The following SLIT1 variants were observed in gnomAD, a reference collection of about 807,000 sequenced individuals.
SLIT1 encodes slit homolog 1 protein.
A neutral mutation model predicts 186.1 loss-of-function variants in SLIT1; 66 were observed. The observed-to-expected ratio is 0.35, with a 90% confidence interval of 0.29 to 0.44. SLIT1 has a LOEUF of 0.44. Among genes scored for constraint, SLIT1 ranks in the 20% least tolerant of loss-of-function variants. The pLI, the probability that SLIT1 is intolerant of heterozygous loss-of-function variation, is 1.00. For synonymous variants in SLIT1, 761 were observed against 833.8 expected (o/e 0.91, Z 1.50); for missense variants, 1,638 against 2,037.4 (o/e 0.80, Z 3.77).
Position 97,088,990 on chromosome 10 carries a change from G to A in SLIT1, c.414-22904C>T, listed in dbSNP as rs796936015. ...TGGCCAAACAGAAGCCAGAAGCCCC[G>A]GCCACTTGCCCAGCCTGCAGGTGCA... On this transcript the variant is annotated intron_variant, in intron 4 of 36. Coordinates refer to ENST00000266058, the MANE Select transcript of SLIT1 (RefSeq NM_003061.3). Among the ~76,000 whole-genome samples the A allele has an allele frequency of 9.2e-5, 14 of 152,272 alleles. No individual in the cohort carries two copies. In the South Asian group the frequency reaches 2.3e-3, roughly 25 times the overall value.
At chr10:97,003,989 T>C (rs1414757301) in intron 34 of SLIT1, 79 bp downstream of exon 34, 1 of 1,315,008 alleles carries the variant, frequency 7.6e-7, no homozygotes, top group Non-Finnish European at 1.1e-6. Flanking sequence ...TTTCCCACAG[T>C]GCAGTCCCTA....
chr10:97,031,369 C>T (rs1564657309), intron 24 of SLIT1, among the ~76,000 whole-genome samples: 1 of 152,328 alleles, frequency 6.6e-6, no homozygotes, highest in Non-Finnish European at 1.5e-5. Flanking sequence ...TGTCCCGCCC[C>T]TACCACCACA....
At chr10:97,101,171 G>C (rs561034988) in intron 4 of SLIT1, among the ~76,000 whole-genome samples, 2 of 152,258 alleles carry the variant, frequency 1.3e-5, no homozygotes, top group East Asian at 3.9e-4. Context: ...GTGGAAGAGA[G>C]TCATAGGCCC....
chr10:97,039,167 G>C (rs528026395), intron 21 of SLIT1, among the ~76,000 whole-genome samples: 2 of 152,166 alleles, frequency 1.3e-5, no homozygotes, highest in Non-Finnish European at 2.9e-5. Flanking sequence ...TCCTGGGGGT[G>C]GGGGGAGAAA....
At chr10:97,020,927 C>A (rs138170435) in intron 26 of SLIT1, among the ~76,000 whole-genome samples, 1 of 152,366 alleles carries the variant, frequency 6.6e-6, no homozygotes, top group African/African-American at 2.4e-5. Flanking sequence ...CTGCTGAACA[C>A]AATTCCTACC....
chr10:97,090,779 G>A (rs1564673113), intron 4 of SLIT1, among the ~76,000 whole-genome samples: 1 of 152,244 alleles, frequency 6.6e-6, no homozygotes, highest in Non-Finnish European at 1.5e-5. Context: ...TCACAGAAGA[G>A]GTGAAATTGC....
intron 3 of SLIT1, among the ~76,000 whole-genome samples, chr10:97,159,845 C>T (rs1423502228): frequency 6.6e-6 from 1 of 152,162 alleles, no homozygotes; most frequent in Non-Finnish European, 1.5e-5. Context: ...CAACAAACAC[C>T]CCCCACAGAG....
intron 13 of SLIT1, among the ~76,000 whole-genome samples, chr10:97,051,419 A>G (rs1366844621): frequency 6.6e-6 from 1 of 152,208 alleles, no homozygotes; most frequent in Admixed American, 6.5e-5. Context: ...ATAATACACC[A>G]CTGGTGGGAA....
chr10:97,105,428 C>T (rs73322743), intron 4 of SLIT1, among the ~76,000 whole-genome samples: 1 of 152,152 alleles, frequency 6.6e-6, no homozygotes, highest in Non-Finnish European at 1.5e-5. Context: ...CAGCAAGAAC[C>T]AGATGAAAGG....
In SLIT1 at chr10:97,016,258, G is replaced by A. The variant is rs59070724; in HGVS notation, c.2970-2100C>T. Among the ~76,000 whole-genome samples, 1,252 of 151,866 alleles carry A rather than the reference G, an allele frequency of 8.2e-3. 17 individuals carry two copies. Among genetic ancestry groups the A allele is most frequent in the African/African-American group, 0.029 (1,208 of 41,400 alleles). Reference sequence around the variant, plus strand: ...CAGGAGGCAGAGGTTGCAGTGAGTCGAGATCTCGCCACTGCACTCCAGCCT... The same window carrying A: ...CAGGAGGCAGAGGTTGCAGTGAGTCAAGATCTCGCCACTGCACTCCAGCCT... On this transcript the variant is annotated intron_variant, in intron 28 of 36. Transcript: ENST00000266058.
chr10:97,011,150 G>A lies in SLIT1; in HGVS notation c.3204-20C>T, dbSNP rs1168872097. The A allele has an allele frequency of 1.9e-6, 3 of 1,597,940 alleles. No individual in the cohort carries two copies. Among genetic ancestry groups the A allele is most frequent in the Non-Finnish European group, 2.6e-6 (3 of 1,166,002 alleles). On this transcript the variant is annotated intron_variant, in intron 30 of 36. Coordinates refer to ENST00000266058, the MANE Select transcript of SLIT1 (RefSeq NM_003061.3). ...TCACACCTAGTGGGTGGGGGGCAGG[G>A]GTAGTTGGGGGGTCAGCCACACAGA...
At chr10:97,087,708 C>T (rs1382517940) in intron 4 of SLIT1, among the ~76,000 whole-genome samples, 1 of 152,154 alleles carries the variant, frequency 6.6e-6, no homozygotes, top group East Asian at 1.9e-4. Context: ...AGTAACATCC[C>T]TAGATCTGAT....
intron 1 of SLIT1, among the ~76,000 whole-genome samples, chr10:97,168,535 G>A (rs1001157493): frequency 1.3e-5 from 2 of 152,178 alleles, no homozygotes; most frequent in Non-Finnish European, 1.5e-5. Context: ...CTTCCACAAC[G>A]TCATACACTG....
intron 1 of SLIT1, 68 bp from the exon 2 acceptor site, chr10:97,164,958 TC>T: frequency 8.2e-7 from 1 of 1,223,486 alleles, no homozygotes. Context: ...GGGGCCCTGC[TC>T]CAGGTGCCCT....
intron 4 of SLIT1, among the ~76,000 whole-genome samples, chr10:97,080,155 G>T (rs1009781326): frequency 3.3e-5 from 5 of 152,176 alleles, no homozygotes; most frequent in African/African-American, 1.2e-4. Flanking sequence ...AGCCTAGGGG[G>T]ACTTCGGGGA....
chr10:97,185,376 G>T (rs1850397502), intron 1 of SLIT1, 102 bp downstream of exon 1: 2 of 1,176,490 alleles, frequency 1.7e-6, no homozygotes, highest in Non-Finnish European at 2.4e-6. Context: ...GCGGAGCCCG[G>T]ACGGGCCCCA....
At chr10:97,120,228 G>A (rs1849548863) in intron 4 of SLIT1, among the ~76,000 whole-genome samples, 1 of 151,936 alleles carries the variant, frequency 6.6e-6, no homozygotes, top group African/African-American at 2.4e-5. Context: ...TGCCAGGCCC[G>A]CTCCCCACAG....
chr10:97,160,505 C>A (rs974034935), intron 3 of SLIT1, among the ~76,000 whole-genome samples: 1 of 152,150 alleles, frequency 6.6e-6, no homozygotes, highest in South Asian at 2.1e-4. Flanking sequence ...TGGAAAATCT[C>A]ACTCCATCTT....
At chr10:97,089,837 C>A (rs1295101914) in intron 4 of SLIT1, among the ~76,000 whole-genome samples, 1 of 152,218 alleles carries the variant, frequency 6.6e-6, no homozygotes, top group Non-Finnish European at 1.5e-5. Flanking sequence ...GGCAGAAACT[C>A]TGGAGCCAGA....
Sources: allele counts gnomAD v4.1 joint callset (sites outside exome capture counted in the v4.1 genomes callset), GRCh38; gene constraint gnomAD v4.1.1; transcripts MANE v1.5; gene names NCBI Gene and HGNC (gene_info 2026-07-23, HGNC 2026-07-21).